Variants in TOX2 observed in about 807,000 individuals in gnomAD.
TOX2 encodes the protein granulosa cell HMG box 1.
TOX2 carries 15 observed loss-of-function variants against 47.4 expected under a neutral mutation model. The ratio of observed to expected loss-of-function variants is 0.32; its 90% CI spans 0.21 to 0.49. TOX2 has a LOEUF of 0.49. Among genes scored for constraint, TOX2 ranks in the 20% least tolerant of loss-of-function variants. The pLI is 0.99. For synonymous variants in TOX2, 290 were observed against 296.6 expected (o/e 0.98, Z 0.23); for missense variants, 622 against 673.1 (o/e 0.92, Z 0.84).
intron 2 of TOX2, among the ~76,000 whole-genome samples, chr20:43,996,320 G>C (rs2070479122): frequency 6.6e-6 from 1 of 152,226 alleles, no homozygotes; most frequent in Non-Finnish European, 1.5e-5. Context: ...AAAATGGCAA[G>C]ATGGTAGGGC....
intron 2 of TOX2, among the ~76,000 whole-genome samples, chr20:43,986,719 T>C (rs939528693): frequency 1.3e-5 from 2 of 152,180 alleles, no homozygotes; most frequent in African/African-American, 4.8e-5. Flanking sequence ...TTTTGCAGTA[T>C]CTAAAGCTGA....
At chr20:44,002,177 C>G (rs907174505) in intron 2 of TOX2, among the ~76,000 whole-genome samples, 1 of 152,236 alleles carries the variant, frequency 6.6e-6, no homozygotes, top group Admixed American at 6.5e-5. Context: ...TTCCCAACCC[C>G]TCTGCCCATT....
At chr20:43,998,578 T>A (rs1018565300) in intron 2 of TOX2, among the ~76,000 whole-genome samples, 3 of 152,246 alleles carry the variant, frequency 2.0e-5, no homozygotes, top group Non-Finnish European at 4.4e-5. Context: ...TCAATTTACA[T>A]AAAAATTTGT....
At chr20:43,986,192 A>G (rs1388709808) in intron 2 of TOX2, among the ~76,000 whole-genome samples, 1 of 152,182 alleles carries the variant, frequency 6.6e-6, no homozygotes, top group Non-Finnish European at 1.5e-5. Context: ...ACTAGCCTTC[A>G]TAAACAATGG....
At chr20:43,974,280 G>T (rs761163866) in intron 2 of TOX2, among the ~76,000 whole-genome samples, 1 of 151,854 alleles carries the variant, frequency 6.6e-6, no homozygotes, top group South Asian at 2.1e-4. Context: ...TGCAAGGGTG[G>T]GTCCTCACTG....
At chr20:43,972,260 A>G (rs2069987261) in intron 1 of TOX2, among the ~76,000 whole-genome samples, 1 of 152,178 alleles carries the variant, frequency 6.6e-6, no homozygotes, top group Non-Finnish European at 1.5e-5. Context: ...CCTGGGCTAC[A>G]ACAGCCACCC....
intron 5 of TOX2, among the ~76,000 whole-genome samples, chr20:44,061,311 T>G (rs746880965): frequency 2.0e-5 from 3 of 152,058 alleles, no homozygotes; most frequent in Non-Finnish European, 4.4e-5. Context: ...AGGACACTAT[T>G]CCACAAAATA....
intron 1 of TOX2, among the ~76,000 whole-genome samples, chr20:43,926,000 T>G (rs954036182): frequency 1.3e-5 from 2 of 152,208 alleles, no homozygotes; most frequent in African/African-American, 4.8e-5. Context: ...CTCCTTGTCC[T>G]AGAGTGCTTT....
At chr20:44,056,273 C>G (rs1046768935) in intron 5 of TOX2, among the ~76,000 whole-genome samples, 2 of 152,192 alleles carry the variant, frequency 1.3e-5, no homozygotes, top group African/African-American at 4.8e-5. Flanking sequence ...CCGGTGGCAG[C>G]TGGAAGTAGA....
intron 2 of TOX2, among the ~76,000 whole-genome samples, chr20:43,988,739 T>C (rs979647429): frequency 6.6e-6 from 1 of 152,228 alleles, no homozygotes; most frequent in African/African-American, 2.4e-5. Context: ...GTACACATGC[T>C]GTTTAGACAC....
intron 3 of TOX2, chr20:44,039,009 C>T (rs1401224215): frequency 1.6e-6 from 2 of 1,213,550 alleles, no homozygotes; most frequent in African/African-American, 1.6e-5. Flanking sequence ...CATATGTTTC[C>T]AAGAGGGAAG....
At chr20:44,025,475 G>T (rs1015839340) in intron 3 of TOX2, among the ~76,000 whole-genome samples, 3 of 151,514 alleles carry the variant, frequency 2.0e-5, no homozygotes, top group Admixed American at 2.0e-4. Flanking sequence ...AGCAGCTGGG[G>T]GACAGGTTGC....
At chr20:44,054,188 C>G (rs1478558513) in intron 4 of TOX2, 111 bp from the exon 5 acceptor site, 2 of 1,144,162 alleles carry the variant, frequency 1.7e-6, no homozygotes, top group African/African-American at 3.1e-5. Context: ...GAGTGGTTAT[C>G]TGTGCATGAG....
chr20:44,038,391 T>G (rs2071273938), intron 3 of TOX2, among the ~76,000 whole-genome samples: 1 of 151,988 alleles, frequency 6.6e-6, no homozygotes, highest in African/African-American at 2.4e-5. Flanking sequence ...GTCCAGGAAT[T>G]AAGGAGACGT....
intron 2 of TOX2, among the ~76,000 whole-genome samples, chr20:43,981,735 C>G (rs1014045831): frequency 6.6e-6 from 1 of 152,058 alleles, no homozygotes; most frequent in Admixed American, 6.6e-5. Context: ...GTCATCTTAG[C>G]GAAAAGGAAG....
At chr20:44,039,151 T>C (rs1390483578) in intron 3 of TOX2, 1 of 1,262,082 alleles carries the variant, frequency 7.9e-7, no homozygotes, top group Non-Finnish European at 1.0e-6. Flanking sequence ...TGGAGAGCTC[T>C]GCCAGAGGCT....
At chr20:44,039,347 A>T in intron 3 of TOX2, 2 of 1,266,434 alleles carry the variant, frequency 1.6e-6, no homozygotes, top group Non-Finnish European at 2.1e-6. Context: ...GATTGTACAG[A>T]TCCTCATGGA....
chr20:44,023,734 C>T (rs558644062), intron 3 of TOX2, among the ~76,000 whole-genome samples: 7 of 152,376 alleles, frequency 4.6e-5, no homozygotes, highest in Non-Finnish European at 8.8e-5. Flanking sequence ...TCAGTGCCAC[C>T]TGGCACAGAA....
chr20:43,925,848 C>T (rs189543123), intron 1 of TOX2, among the ~76,000 whole-genome samples: 353 of 152,244 alleles, frequency 2.3e-3, no homozygotes, highest in Admixed American at 3.1e-3. Flanking sequence ...AGACTGAGGT[C>T]CAGATGAATC....
Sources: allele counts gnomAD v4.1 joint callset (sites outside exome capture counted in the v4.1 genomes callset), GRCh38; gene constraint gnomAD v4.1.1; transcripts MANE v1.5; gene names NCBI Gene and HGNC (gene_info 2026-07-23, HGNC 2026-07-21).